The following SGCZ variants were observed in gnomAD, a reference collection of about 807,000 sequenced individuals.
SGCZ encodes sarcoglycan zeta.
A neutral mutation model predicts 41.3 loss-of-function variants in SGCZ; 40 were observed. The observed-to-expected ratio is 0.97, with a 90% CI of 0.75 to 1.26. The LOEUF (loss-of-function observed/expected upper bound fraction) is 1.26. Among genes scored for constraint, SGCZ ranks in the 50% most tolerant of loss-of-function variants. The pLI is 0.00. For missense variants in SGCZ, 552 were observed against 369.8 expected, an observed-to-expected ratio of 1.49 and a Z score of -4.04; for synonymous variants, 206 against 137.5, an observed-to-expected ratio of 1.50 and a Z score of -3.49.
chr8:14,443,963 A>G (rs1032984506), intron 2 of SGCZ, among the ~76,000 whole-genome samples: 13 of 152,198 alleles, frequency 8.5e-5, no homozygotes, highest in African/African-American at 1.7e-4. Context: ...ACAAATTTAC[A>G]AGAAACAAAC....
At chr8:14,572,603 G>A (rs1326997904) in intron 1 of SGCZ, among the ~76,000 whole-genome samples, 1 of 152,130 alleles carries the variant, frequency 6.6e-6, no homozygotes, top group Admixed American at 6.5e-5. Context: ...GGAGACATAG[G>A]AGGAGGCTTT....
chr8:14,265,683 A>G (rs901774675), intron 3 of SGCZ, among the ~76,000 whole-genome samples: 1 of 152,036 alleles, frequency 6.6e-6, no homozygotes, highest in African/African-American at 2.4e-5. Context: ...CCTAAACAGT[A>G]AAAAGGTTAA....
chr8:14,208,192 G>A (rs1805680634), intron 4 of SGCZ, among the ~76,000 whole-genome samples: 2 of 152,188 alleles, frequency 1.3e-5, no homozygotes, highest in Admixed American at 6.5e-5. Flanking sequence ...AATCAGCTCT[G>A]TTGAAAGTTT....
chr8:14,450,521 T>C (rs1585531152), intron 2 of SGCZ, among the ~76,000 whole-genome samples: 1 of 152,306 alleles, frequency 6.6e-6, no homozygotes, highest in East Asian at 1.9e-4. Context: ...TTCCAGTACC[T>C]TTGGTAATAA....
intron 2 of SGCZ, among the ~76,000 whole-genome samples, chr8:14,528,398 A>T (rs17119664): frequency 0.058 from 8,795 of 152,146 alleles, 628 homozygotes; most frequent in African/African-American, 0.15. Flanking sequence ...GCGTGTTCAC[A>T]TCACTCCAGA....
chr8:14,134,916 A>G (rs1199256206), intron 5 of SGCZ, among the ~76,000 whole-genome samples: 4 of 152,194 alleles, frequency 2.6e-5, no homozygotes, highest in Admixed American at 1.3e-4. Flanking sequence ...AGAATGTTAA[A>G]TTAAAACTTT....
At chr8:15,181,535 C>T (rs1425359819) in intron 1 of SGCZ, among the ~76,000 whole-genome samples, 5 of 152,146 alleles carry the variant, frequency 3.3e-5, no homozygotes, top group Non-Finnish European at 2.9e-5. Flanking sequence ...ATGATATTCT[C>T]TTACTAGAAA....
At chr8:15,211,970 A>T (rs1174798822) in intron 1 of SGCZ, among the ~76,000 whole-genome samples, 2 of 152,166 alleles carry the variant, frequency 1.3e-5, no homozygotes, top group East Asian at 3.9e-4. Context: ...AGTCAGACTG[A>T]TTAAGAAAGG....
At chr8:14,120,398 C>G (rs1802661656) in intron 5 of SGCZ, among the ~76,000 whole-genome samples, 1 of 152,122 alleles carries the variant, frequency 6.6e-6, no homozygotes, top group South Asian at 2.1e-4. Flanking sequence ...AACATAACCT[C>G]TATCAACATC....
intron 2 of SGCZ, among the ~76,000 whole-genome samples, chr8:14,418,489 C>G (rs1799556217): frequency 6.6e-6 from 1 of 151,896 alleles, no homozygotes; most frequent in Admixed American, 6.6e-5. Context: ...TTCTGAAAAA[C>G]TGCTTTTATA....
intron 3 of SGCZ, among the ~76,000 whole-genome samples, chr8:14,257,958 T>C (rs978498910): frequency 6.6e-6 from 1 of 152,180 alleles, no homozygotes; most frequent in Non-Finnish European, 1.5e-5. Flanking sequence ...GATCAATAAA[T>C]GAACAATTTG....
intron 1 of SGCZ, among the ~76,000 whole-genome samples, chr8:14,808,936 T>C (rs1056402813): frequency 1.3e-5 from 2 of 151,556 alleles, no homozygotes; most frequent in Admixed American, 6.6e-5. Context: ...TGTAGGGACA[T>C]GGATGAAATT....
intron 1 of SGCZ, among the ~76,000 whole-genome samples, chr8:14,653,431 A>T (rs551910342): frequency 6.6e-6 from 1 of 152,138 alleles, no homozygotes; most frequent in African/African-American, 2.4e-5. Context: ...TATATTTTGT[A>T]GTTTATTTCT....
At chr8:14,231,429 C>T (rs1478301454) in intron 4 of SGCZ, among the ~76,000 whole-genome samples, 1 of 151,896 alleles carries the variant, frequency 6.6e-6, no homozygotes, top group African/African-American at 2.4e-5. Context: ...ACAAACAGGT[C>T]CAGCCACAGT....
rs75831834 is a variant in SGCZ, at chr8:14,333,899, T to C, written c.235-9695A>G. 1.1e-4 allele frequency among the ~76,000 whole-genome samples: 17 copies of C among 152,238 alleles called. No individual in the cohort carries two copies. The East Asian group carries it at 3.3e-3, about 29-fold the overall frequency. Reference sequence around the variant, plus strand: ...AGTTATAAGCTCCTGTCTCCACAGATGTTTAGGAAGTCTATGTAAAGATTC... The same window carrying C: ...AGTTATAAGCTCCTGTCTCCACAGACGTTTAGGAAGTCTATGTAAAGATTC... On this transcript the variant is annotated intron_variant, in intron 2 of 7. Coordinates refer to ENST00000382080, the MANE Select transcript of SGCZ (RefSeq NM_139167.4).
At chr8:14,409,020 TA>T (rs1359179333) in intron 2 of SGCZ, among the ~76,000 whole-genome samples, 12 of 151,544 alleles carry the variant, frequency 7.9e-5, no homozygotes, top group African/African-American at 2.9e-4. Context: ...CCTCATTAAC[TA>T]GGTTTTCAGT....
chr8:14,607,677 A>G (rs978462765), intron 1 of SGCZ, among the ~76,000 whole-genome samples: 7 of 139,666 alleles, frequency 5.0e-5, no homozygotes, highest in Non-Finnish European at 1.6e-5. Flanking sequence ...GATAGAAAGT[A>G]GTATTGATCT....
chr8:14,883,776 G>GTTTT (rs1233614779), intron 1 of SGCZ, among the ~76,000 whole-genome samples: 49 of 85,944 alleles, frequency 5.7e-4, no homozygotes, highest in African/African-American at 9.6e-4. Context: ...GCATCCTGTT[G>GTTTT]TTTTTTTTTT....
intron 2 of SGCZ, among the ~76,000 whole-genome samples, chr8:14,415,773 G>A (rs1799476093): frequency 6.6e-6 from 1 of 151,874 alleles, no homozygotes; most frequent in Non-Finnish European, 1.5e-5. Context: ...TCAAATTTGT[G>A]ACAGCAACGA....
Sources: allele counts gnomAD v4.1 joint callset (sites outside exome capture counted in the v4.1 genomes callset), GRCh38; gene constraint gnomAD v4.1.1; transcripts MANE v1.5; gene names NCBI Gene and HGNC (gene_info 2026-07-23, HGNC 2026-07-21).